DRD3: variants seen among roughly 807,000 people sequenced by gnomAD.
DRD3 encodes the protein D(3) dopamine receptor.
DRD3 carries 19 observed loss-of-function variants against 36.3 expected under a neutral mutation model. The ratio of observed to expected loss-of-function variants is 0.52; its 90% CI spans 0.36 to 0.77. The LOEUF (loss-of-function observed/expected upper bound fraction) is 0.77, where lower values mean the gene tolerates loss of function less well. DRD3 is among the 30% of genes least tolerant of loss of function. The probability of loss-of-function intolerance (pLI) is 0.00; values close to 1 mark genes in which losing one functional copy is unlikely to be tolerated. For missense variants in DRD3, 465 were observed against 505.3 expected, an observed-to-expected ratio of 0.92 and a Z score of 0.77; for synonymous variants, 195 against 203.7, an observed-to-expected ratio of 0.96 and a Z score of 0.36.
chr3:114,137,757 C>T (rs1009821049), intron 5 of DRD3, among the ~76,000 whole-genome samples: 8 of 151,322 alleles, frequency 5.3e-5, no homozygotes, highest in Non-Finnish European at 7.4e-5. Flanking sequence ...TTTGGGAGGC[C>T]GAAGCGTGCG....
intron 1 of DRD3, among the ~76,000 whole-genome samples, chr3:114,184,625 T>G (rs190967628): frequency 4.5e-4 from 54 of 120,114 alleles, no homozygotes; most frequent in African/African-American, 1.4e-3. Flanking sequence ...GTGGTAATGC[T>G]CCTCAGCTTT....
chr3:114,132,309 G>C (rs538125242), intron 5 of DRD3, among the ~76,000 whole-genome samples: 165 of 152,286 alleles, frequency 1.1e-3, no homozygotes, highest in African/African-American at 3.9e-3. Flanking sequence ...CATAGGAAGA[G>C]AAAACCAAAC....
chr3:114,156,734 TTTCTTTCTTTTTCTTTC>T (rs1326672663), intron 3 of DRD3, among the ~76,000 whole-genome samples: 1 of 10,062 alleles, frequency 9.9e-5, no homozygotes, highest in Non-Finnish European at 4.3e-4. Context: ...TCTTTCTTTC[TTTCTTTCTTTTTCTTTC>T]TTTCTTTCTT....
chr3:114,143,166 A>G (rs1029721101), intron 4 of DRD3, among the ~76,000 whole-genome samples: 14 of 152,250 alleles, frequency 9.2e-5, no homozygotes, highest in Admixed American at 5.9e-4. Context: ...TTAGCACAAT[A>G]GTTATTGAGC....
chr3:114,169,012 G>A (rs1318262897), intron 2 of DRD3, among the ~76,000 whole-genome samples: 5 of 151,930 alleles, frequency 3.3e-5, no homozygotes, highest in African/African-American at 1.2e-4. Flanking sequence ...AGCAGTCTCG[G>A]TGGTCAACAT....
chr3:114,158,974 C>T (rs1042690593), intron 3 of DRD3, among the ~76,000 whole-genome samples: 2 of 151,940 alleles, frequency 1.3e-5, no homozygotes, highest in Non-Finnish European at 2.9e-5. Context: ...GGTGATGTCC[C>T]AGGGGAGCCA....
At chr3:114,143,895 A>T (rs2077548627) in intron 4 of DRD3, among the ~76,000 whole-genome samples, 1 of 152,200 alleles carries the variant, frequency 6.6e-6, no homozygotes, top group South Asian at 2.1e-4. Context: ...CTAGATTTTT[A>T]AAAATAACAC....
At chr3:114,138,337 G>C (rs1009963434) in intron 5 of DRD3, among the ~76,000 whole-genome samples, 1 of 152,056 alleles carries the variant, frequency 6.6e-6, no homozygotes, top group African/African-American at 2.4e-5. Flanking sequence ...CTGAGACTGG[G>C]TAATTTATAA....
chr3:114,138,589 T>C (rs1025159388), intron 5 of DRD3, among the ~76,000 whole-genome samples: 6 of 152,122 alleles, frequency 3.9e-5, no homozygotes, highest in African/African-American at 1.2e-4. Context: ...CACATGGGAA[T>C]TGTGGGAGCT....
rs999343208 is a variant in DRD3, at chr3:114,127,707, A to T, written c.*1009T>A. Among the ~76,000 whole-genome samples, 1 of 152,214 alleles carries T rather than the reference A, an allele frequency of 6.6e-6. No individual in the cohort carries two copies. The highest frequency in any genetic ancestry group is 2.4e-5 in the African/African-American group (1 of 41,454). On this transcript the variant is annotated 3_prime_UTR_variant, in exon 7 of 7. Coordinates refer to ENST00000383673, the MANE Select transcript of DRD3 (RefSeq NM_000796.6). ...CAGCATCACCACAGACATGTAAATAATGCATTGAGCTATGATGTTGCAACA... is the reference window on the plus strand; with the variant it reads ...CAGCATCACCACAGACATGTAAATATTGCATTGAGCTATGATGTTGCAACA...
rs74556047 is a variant in DRD3 at position 114,149,066 on chromosome 3, C to T, written c.384-1509G>A. Among the ~76,000 whole-genome samples, 919 of 152,290 alleles carry T rather than the reference C, an allele frequency of 6.0e-3. 7 individuals are homozygous for T. Among genetic ancestry groups the T allele is most frequent in the African/African-American group, 0.019 (807 of 41,564 alleles). ...CAATATTTATTGAGTCCCAACTATA[C>T]GCCAGGCCTCATTCCAGGTATTCAG... On this transcript the variant is annotated intron_variant, in intron 3 of 6. Transcript: ENST00000383673.
rs200948221 is a variant in DRD3 at position 114,147,201 on chromosome 3, A to C, written c.526+214T>G. 7.8e-4 allele frequency among the ~76,000 whole-genome samples: 119 copies of C among 152,178 alleles called. 3 individuals carry two copies. In the South Asian group the frequency reaches 0.012, roughly 16 times the overall value. On this transcript the variant is annotated intron_variant, in intron 4 of 6. Coordinates refer to ENST00000383673, the MANE Select transcript of DRD3 (RefSeq NM_000796.6). ...CAGACTTTTCATTAATTGGGGCAGA[A>C]CTTTACCCCCTGTGCCAATAATTGA... is the stretch of plus-strand genomic sequence containing the variant.
At chr3:114,156,957 T>TTTCC (rs751503631) in intron 3 of DRD3, among the ~76,000 whole-genome samples, 156 of 149,124 alleles carry the variant, frequency 1.0e-3, no homozygotes, top group South Asian at 3.4e-3. Flanking sequence ...TCCTTTCTTC[T>TTTCC]TTCCTTCCTT....
chr3:114,156,765 TTCTTTCTTTCTTTC>T (rs2077676713), intron 3 of DRD3, among the ~76,000 whole-genome samples: 2 of 114,166 alleles, frequency 1.8e-5, no homozygotes, highest in South Asian at 5.1e-4. Context: ...CTTTCTTTCT[TTCTTTCTTTCTTTC>T]TTTCTTTCTT....
In DRD3 at chr3:114,131,283, TCTC is replaced by T. The variant is rs779523642; in HGVS notation, c.838_840del (p.Glu280del). The T allele has an allele frequency of 5.6e-6, 9 of 1,614,226 alleles. No individual in the cohort carries two copies. The highest frequency in any genetic ancestry group is 1.3e-5 in the African/African-American group (1 of 75,048). On this transcript the variant is annotated inframe_deletion, in exon 6 of 7. Transcript: ENST00000383673. ...GTGGGACTCAGGGAATTCCGAGTCT[TCTC>T]CTCTCTTTTCAACTCTCCTCCTCTT...
At chr3:114,199,173 A>G (rs1031594713) in intron 1 of DRD3, 1 of 152,148 alleles carries the variant, frequency 6.6e-6, no homozygotes, top group Non-Finnish European at 1.5e-5. Context: ...CCATCCAACA[A>G]CATTTTCATC....
intron 1 of DRD3, among the ~76,000 whole-genome samples, chr3:114,185,625 T>C (rs1221716095): frequency 6.6e-6 from 1 of 150,662 alleles, no homozygotes; most frequent in Non-Finnish European, 1.5e-5. Flanking sequence ...GGTTGATTAA[T>C]TAAAAAAAAA....
rs552109038 is a variant in DRD3, at chr3:114,129,837, C to A, written c.1007-925G>T. Among the ~76,000 whole-genome samples the A allele has an allele frequency of 3.2e-4, 48 of 152,328 alleles. 1 individual carries two copies. The South Asian group carries it at 9.1e-3, about 29-fold the overall frequency. On this transcript the variant is annotated intron_variant, in intron 6 of 6. Coordinates refer to ENST00000383673, the MANE Select transcript of DRD3 (RefSeq NM_000796.6). ...GTTTGGGAGGCCAAGGTGGGTGGAT[C>A]ACCTGAGGTCAGGAATTCAAGACCA...
chr3:114,185,149 C>A (rs1375716372), intron 1 of DRD3, among the ~76,000 whole-genome samples: 1 of 152,166 alleles, frequency 6.6e-6, no homozygotes, highest in African/African-American at 2.4e-5. Flanking sequence ...TGTCTTTCAT[C>A]AGATTTAGAA....
Sources: gnomAD v4.1 joint callset for allele counts (sites outside exome capture counted in the v4.1 genomes callset) on GRCh38, gnomAD v4.1.1 for gene constraint, MANE v1.5 for transcripts, NCBI Gene and HGNC (gene_info 2026-07-23, HGNC 2026-07-21) for gene names.